EED: variants seen among roughly 807,000 people sequenced by gnomAD.
EED encodes polycomb protein EED.
Under a neutral mutation model 61.0 loss-of-function variants are expected in EED, and 9 were observed. That is an observed-to-expected ratio of 0.15 (90% CI 0.09 to 0.26). The LOEUF (loss-of-function observed/expected upper bound fraction) is 0.26, where lower values mean the gene tolerates loss of function less well. EED is among the 10% of genes least tolerant of loss of function. EED has a pLI of 1.00. For synonymous variants in EED, 187 were observed against 174.4 expected (o/e 1.07, Z -0.57); for missense variants, 315 against 542.3 (o/e 0.58, Z 4.16).
chr11:86,245,938 G>C (rs1284921221), intron 1 of EED, among the ~76,000 whole-genome samples: 5 of 152,100 alleles, frequency 3.3e-5, no homozygotes, highest in Non-Finnish European at 5.9e-5. Flanking sequence ...TTTGGGGGTG[G>C]GGAGTGACTA....
chr11:86,272,776 G>T (rs1317322211), intron 9 of EED, among the ~76,000 whole-genome samples: 1 of 151,968 alleles, frequency 6.6e-6, no homozygotes, highest in Non-Finnish European at 1.5e-5. Context: ...TAAGTTTCTT[G>T]TAGATGATAT....
intron 1 of EED, 68 bp downstream of exon 1, chr11:86,245,411 C>T: frequency 7.6e-7 from 1 of 1,310,518 alleles, no homozygotes. Flanking sequence ...AAACGGGGGG[C>T]GCGGGGACGA....
At chr11:86,264,106 T>C (rs1945913454) in intron 6 of EED, 66 bp from the exon 7 acceptor site, 2 of 1,302,668 alleles carry the variant, frequency 1.5e-6, no homozygotes, top group Non-Finnish European at 2.2e-6. Context: ...AGTTTTTCTT[T>C]CACAAGATGT....
the EED span, among the ~76,000 whole-genome samples, chr11:86,286,991 A>AAAC: frequency 6.7e-6 from 1 of 150,162 alleles, no homozygotes. Context: ...AAAAAAAAAA[A>AAAC]AAAGAAATAG....
chr11:86,283,054 A>AT (rs1192302348), downstream of EED, among the ~76,000 whole-genome samples: 1 of 152,198 alleles, frequency 6.6e-6, no homozygotes, highest in Non-Finnish European at 1.5e-5. Flanking sequence ...GGGAAAAAAA[A>AT]GAACAACAAA....
At chr11:86,285,139 G>C in the EED span, among the ~76,000 whole-genome samples, 21 of 152,062 alleles carry the variant, frequency 1.4e-4, no homozygotes, top group African/African-American at 1.7e-4. Flanking sequence ...AACAGAAAAG[G>C]CTGGGCACGG....
chr11:86,252,895 A>G (rs1341398288), intron 3 of EED, among the ~76,000 whole-genome samples: 1 of 152,062 alleles, frequency 6.6e-6, no homozygotes, highest in Non-Finnish European at 1.5e-5. Flanking sequence ...GAGTAGCTAC[A>G]GGCATGCACT....
the EED span, among the ~76,000 whole-genome samples, chr11:86,286,151 C>G: frequency 6.6e-6 from 1 of 152,122 alleles, no homozygotes; most frequent in Admixed American, 6.6e-5. Context: ...CTGTCTCAGC[C>G]TCCTGAGTAG....
intron 1 of EED, among the ~76,000 whole-genome samples, chr11:86,247,738 A>G (rs1172267268): frequency 6.6e-6 from 1 of 152,240 alleles, no homozygotes; most frequent in Non-Finnish European, 1.5e-5. Context: ...ATGAGTTTAG[A>G]AAAGATAAGG....
At chr11:86,266,322 CCTT>C (rs752290132) in intron 8 of EED, 106 bp downstream of exon 8, 2 of 997,434 alleles carry the variant, frequency 2.0e-6, no homozygotes, top group Non-Finnish European at 2.8e-6. Flanking sequence ...GTTTAGAAGA[CCTT>C]CTTTTAACTT....
In EED at chr11:86,266,063, C is replaced by A; in HGVS notation, c.727-20C>A. On this transcript the variant is annotated intron_variant, in intron 7 of 11. Transcript: ENST00000263360. Reference sequence around the variant, plus strand: ...ATTTGGAGCTGTAATTTATATAAAACTTTTTGGTTTTGCATACAGGATTAT... The same window carrying A: ...ATTTGGAGCTGTAATTTATATAAAAATTTTTGGTTTTGCATACAGGATTAT... 2 of 1,559,598 alleles carry A rather than the reference C, an allele frequency of 1.3e-6. No individual in the cohort carries two copies. Among genetic ancestry groups the A allele is most frequent in the East Asian group, 2.3e-5 (1 of 43,174 alleles).
intron 9 of EED, chr11:86,270,130 A>G (rs1946078128): frequency 4.3e-6 from 3 of 700,962 alleles, no homozygotes; most frequent in Non-Finnish European, 7.8e-6. Flanking sequence ...TGAGAGATCC[A>G]GTGTCTCCGA....
intron 9 of EED, chr11:86,270,182 G>T (rs1482588008): frequency 1.4e-6 from 1 of 699,262 alleles, no homozygotes; most frequent in African/African-American, 1.8e-5. Flanking sequence ...TTTTATTTTA[G>T]CTGTTCTGAT....
rs1390910341 is a variant in EED, at chr11:86,245,170, A to T, written c.-60A>T. 7.0e-7 allele frequency: 1 copy of T among 1,420,730 alleles called. No homozygotes were observed. The highest frequency in any genetic ancestry group is 9.8e-7 in the Non-Finnish European group (1 of 1,021,630). 88.0% of individuals were successfully genotyped at this position (1,420,730 alleles called of 1,614,324 possible). ...GGCAAGCTCGGGCCGGGCTTGCTTG[A>T]CGGCGGTGTGGCGGAGGCCCCGCCC... On this transcript the variant is annotated 5_prime_UTR_variant, in exon 1 of 12. Coordinates refer to ENST00000263360, the MANE Select transcript of EED (RefSeq NM_003797.5).
chr11:86,250,109 A>G (rs965417768), intron 1 of EED, among the ~76,000 whole-genome samples, 187 bp from the exon 2 acceptor site: 7 of 152,236 alleles, frequency 4.6e-5, no homozygotes, highest in Admixed American at 2.6e-4. Flanking sequence ...GTTGAAATAT[A>G]AAATATCTAC....
rs577251559 is a variant in EED, at chr11:86,268,979, C to T, written c.966+418C>T. On this transcript the variant is annotated intron_variant, in intron 9 of 11. Coordinates refer to ENST00000263360, the MANE Select transcript of EED (RefSeq NM_003797.5). ...ATGGGCTGTAGTTTGCCAACCCCTGCCCCTGTTGATGGATTTATACAGATG... is the reference window on the plus strand; with the variant it reads ...ATGGGCTGTAGTTTGCCAACCCCTGTCCCTGTTGATGGATTTATACAGATG... 1.8e-4 allele frequency among the ~76,000 whole-genome samples: 27 copies of T among 152,152 alleles called. No homozygotes were observed. In the South Asian group the frequency reaches 2.5e-3, roughly 14 times the overall value.
intron 9 of EED, chr11:86,270,049 T>C (rs1433087715): frequency 2.9e-6 from 2 of 684,382 alleles, no homozygotes; most frequent in Admixed American, 2.1e-5. Context: ...TAAGTTTGTT[T>C]AGTTTTTTAA....
Position 86,245,127 on chromosome 11 carries a change from C to G in EED, c.-103C>G. 1.2e-6 allele frequency: 1 copy of G among 830,420 alleles called. No individual in the cohort carries two copies. 51.4% of individuals were successfully genotyped at this position (830,420 alleles called of 1,614,324 possible). The stretch of plus-strand genomic sequence containing the variant: ...GTGGGGGGGGCGGTGGAGGTGGCGG[C>G]GGCAGCGGCAACTTTGCGGCAAGCT... On this transcript the variant is annotated 5_prime_UTR_variant, in exon 1 of 12. Transcript: ENST00000263360.
At chr11:86,267,140 A>G (rs1434533926) in intron 8 of EED, among the ~76,000 whole-genome samples, 1 of 152,214 alleles carries the variant, frequency 6.6e-6, no homozygotes, top group South Asian at 2.1e-4. Context: ...GTTTTCAAAA[A>G]ATAACAGTTG....
Sources: allele counts gnomAD v4.1 joint callset (sites outside exome capture counted in the v4.1 genomes callset), GRCh38; gene constraint gnomAD v4.1.1; transcripts MANE v1.5; gene names NCBI Gene and HGNC (gene_info 2026-07-23, HGNC 2026-07-21).